Variants in ALDOA observed in about 807,000 individuals in gnomAD.
ALDOA encodes the protein fructose-bisphosphate aldolase A.
In ALDOA, 26 loss-of-function variants were observed where a neutral mutation model predicts 43.9. The ratio of observed to expected loss-of-function variants is 0.59; its 90% CI spans 0.43 to 0.82. The LOEUF is 0.82. Among genes scored for constraint, ALDOA ranks in the 40% least tolerant of loss-of-function variants. ALDOA has a pLI of 0.00. For synonymous variants in ALDOA, 258 were observed against 222.6 expected (o/e 1.16, Z -1.42); for missense variants, 498 against 549.5 (o/e 0.91, Z 0.94).
rs750912887 is a variant in ALDOA, at chr16:30,067,008, C to T, written c.111C>T (p.Gly37=). 1.3e-6 allele frequency: 2 copies of T among 1,569,606 alleles called. No individual in the cohort carries two copies. The highest frequency in any genetic ancestry group is 1.7e-6 in the Non-Finnish European group (2 of 1,158,328). The change falls in exon 2 of 10, where the codon GGC becomes GGT. Residue 37 remains glycine, a synonymous_variant. Coordinates refer to ENST00000642816, the MANE Select transcript of ALDOA (RefSeq NM_001243177.4). ...VASGQLHPQL[G]NTQHQTELGK... ...GTGGGCAACTCCACCCTCAGCTGGG[C>T]AACACCCAGCACCAGACAGAGTTAG...
Position 30,069,383 on chromosome 16 carries a change from C to T in ALDOA, c.780C>T (p.Thr260=), listed in dbSNP as rs1173353127. 1.4e-5 allele frequency: 23 copies of T among 1,614,012 alleles called. No homozygotes were observed. In the East Asian group the frequency reaches 1.6e-4, roughly 11 times the overall value. Reference sequence around the variant, plus strand: ...ACTTGAAGCGCTGCCAGTATGTGACCGAGAAGGTAAATGGCTACCTGCCTG... The same window carrying T: ...ACTTGAAGCGCTGCCAGTATGTGACTGAGAAGGTAAATGGCTACCTGCCTG... The part of the protein sequence containing the change: ...DHDLKRCQYV[T]EKVLAAVYKA... The change falls in exon 7 of 10, where the codon ACC becomes ACT. Residue 260 remains threonine (T), a synonymous_variant. Coordinates refer to ENST00000642816, the MANE Select transcript of ALDOA (RefSeq NM_001243177.4).
intron 4 of ALDOA, 124 bp downstream of exon 4, chr16:30,067,785 CT>C: frequency 1.8e-6 from 2 of 1,104,110 alleles, no homozygotes; most frequent in Non-Finnish European, 1.4e-6. Context: ...CTGCTTCAGG[CT>C]TAGGGCATTT....
chr16:30,070,169 C>T lies in ALDOA; in HGVS notation c.1214C>T (p.Ala405Val), dbSNP rs769860227. The T allele has an allele frequency of 6.6e-5, 106 of 1,614,032 alleles. No individual in the cohort carries two copies. The highest frequency in any genetic ancestry group is 8.9e-5 in the Non-Finnish European group (105 of 1,180,044). The change falls in exon 10 of 10, where the codon GCT becomes GTT. Residue 405 changes from alanine (A) to valine (V), a missense_variant. Coordinates refer to ENST00000642816, the MANE Select transcript of ALDOA (RefSeq NM_001243177.4). The stretch of plus-strand genomic sequence containing the variant: ...TACACTCCGAGCGGTCAGGCTGGGG[C>T]TGCTGCCAGCGAGTCCCTCTTCGTC... ...GKYTPSGQAG[A>V]AASESLFVSN...
Position 30,070,378 on chromosome 16 carries a change from C to A in ALDOA, c.*166C>A. On this transcript the variant is annotated 3_prime_UTR_variant, in exon 10 of 10. Coordinates refer to ENST00000642816, the MANE Select transcript of ALDOA (RefSeq NM_001243177.4). ...GTGAATGCTAAGTCCATCACCCTTT[C>A]CGGCACACTGCCAAATAAACAGCTA... 1.5e-6 allele frequency: 1 copy of A among 662,232 alleles called. No individual in the cohort carries two copies. Among genetic ancestry groups the A allele is most frequent in the Non-Finnish European group, 2.7e-6 (1 of 372,408 alleles). The allele number at this position is 662,232 out of a possible 1,614,324, so 41.0% of individuals were successfully genotyped here. A position where few individuals can be genotyped will look rare whatever the true frequency, so the allele number is the denominator to read the frequency against.
Position 30,066,955 on chromosome 16 carries a change from A to G in ALDOA, c.58A>G (p.Met20Val). 1.2e-5 allele frequency: 18 copies of G among 1,551,678 alleles called. No homozygotes were observed. The highest frequency in any genetic ancestry group is 1.4e-5 in the Non-Finnish European group (16 of 1,147,674). Residue 20 changes from methionine (M) to valine (V), a missense_variant, in exon 2 of 10, where the codon ATG becomes GTG. Met to Val is a conservative substitution (Grantham distance 21). Coordinates refer to ENST00000642816, the MANE Select transcript of ALDOA (RefSeq NM_001243177.4). ...SFNMTHLSMA[M>V]AFSFPPVASG... ...CAACATGACCCACCTGTCCATGGCT[A>G]TGGCCTTTTCCTTTCCCCCAGTTGC...
At chr16:30,068,727 A>G in intron 5 of ALDOA, 27 bp downstream of exon 5, 2 of 1,614,226 alleles carry the variant, frequency 1.2e-6, no homozygotes, top group African/African-American at 1.3e-5. Context: ...TCTCTGCCCT[A>G]CGAACCCAAC....
chr16:30,065,430 G>A (rs868845295), upstream of ALDOA, among the ~76,000 whole-genome samples: 1 of 152,178 alleles, frequency 6.6e-6, no homozygotes, highest in African/African-American at 2.4e-5. Flanking sequence ...TTCCATCCGC[G>A]TCCTCCACTT....
rs543994647 is a variant in ALDOA at position 30,069,884 on chromosome 16, A to G, written c.1016A>G (p.Asn339Ser). ...QSEEEASINL[N>S]AINKCPLLKP... ...GAGGAGGAGGCGTCCATCAACCTCAATGCCATTAACAAGTGCCCCCTGCTG... is the reference window on the plus strand; with the variant it reads ...GAGGAGGAGGCGTCCATCAACCTCAGTGCCATTAACAAGTGCCCCCTGCTG... Residue 339 changes from asparagine to serine, a missense_variant, in exon 9 of 10, where the codon AAT (asparagine) becomes AGT (serine). Coordinates refer to ENST00000642816, the MANE Select transcript of ALDOA (RefSeq NM_001243177.4). 45 of 1,613,926 alleles carry G rather than the reference A, an allele frequency of 2.8e-5. No individual in the cohort carries two copies. Among genetic ancestry groups the G allele is most frequent in the Admixed American group, 1.2e-4 (7 of 60,010 alleles).
chr16:30,067,920 G>A (rs995535637), intron 4 of ALDOA: 12 of 547,930 alleles, frequency 2.2e-5, no homozygotes, highest in African/African-American at 2.1e-4. Context: ...GCCCCAGTCT[G>A]ACACCCAATT....
chr16:30,066,770 G>T, intron 1 of ALDOA, 115 bp from the exon 2 acceptor site: 3 of 1,209,278 alleles, frequency 2.5e-6, no homozygotes, highest in Non-Finnish European at 3.4e-6. Context: ...GTTGCTGTGT[G>T]GCTTGAAGCA....
chr16:30,065,359 G>A (rs1039891971), upstream of ALDOA, among the ~76,000 whole-genome samples: 3 of 152,224 alleles, frequency 2.0e-5, no homozygotes, highest in Admixed American at 6.5e-5. Context: ...AAGCTGGGGC[G>A]GCCCCGGGCC....
Position 30,069,663 on chromosome 16 carries a change from C to A in ALDOA, c.951C>A (p.Pro317=), listed in dbSNP as rs747443135. ...CAGCGCTGCGCCGCACAGTGCCCCC[C>A]GCTGTCACTGGTGAGGCCCACACTC... The part of the protein sequence containing the change: ...TVTALRRTVP[P]AVTGITFLSG... The change falls in exon 8 of 10, where the codon CCC becomes CCA. Residue 317 remains proline (P), a synonymous_variant. Transcript: ENST00000642816. 1 of 1,613,596 alleles carries A rather than the reference C, an allele frequency of 6.2e-7. No homozygotes were observed. Among genetic ancestry groups the A allele is most frequent in the Non-Finnish European group, 8.5e-7 (1 of 1,180,002 alleles).
upstream of ALDOA, chr16:30,064,861 TGAG>T (rs1038604875): frequency 2.5e-5 from 5 of 198,446 alleles, no homozygotes; most frequent in African/African-American, 1.2e-4. Flanking sequence ...GGGGTCCAGG[TGAG>T]GAGGGGAGAT....
chr16:30,068,150 C>T (rs1168043651), intron 4 of ALDOA: 3 of 260,620 alleles, frequency 1.2e-5, no homozygotes, highest in East Asian at 2.0e-4. Flanking sequence ...CTGCAAGTTC[C>T]GCCTCCCAGG....
chr16:30,069,161 C>A, intron 6 of ALDOA, 145 bp from the exon 7 acceptor site: 2 of 1,310,610 alleles, frequency 1.5e-6, no homozygotes, highest in South Asian at 1.2e-5. Flanking sequence ...GGATCTGAGG[C>A]GGCTCTTGTC....
At chr16:30,068,588 G>T in intron 4 of ALDOA, 58 bp from the exon 5 acceptor site, 1 of 1,588,090 alleles carries the variant, frequency 6.3e-7, no homozygotes, top group Admixed American at 1.7e-5. Flanking sequence ...GGGCGACAGT[G>T]GAAAGGGTGC....
chr16:30,066,690 G>A (rs533450499), intron 1 of ALDOA, among the ~76,000 whole-genome samples, 195 bp from the exon 2 acceptor site: 1 of 152,274 alleles, frequency 6.6e-6, no homozygotes, highest in East Asian at 1.9e-4. Flanking sequence ...CTGGGATCTT[G>A]AGGGGATTGG....
chr16:30,065,508 G>A (rs1391022592), upstream of ALDOA, among the ~76,000 whole-genome samples: 1 of 152,186 alleles, frequency 6.6e-6, no homozygotes, highest in Non-Finnish European at 1.5e-5. Flanking sequence ...GCGCCAGGCT[G>A]GGGGAAAGGA....
intron 1 of ALDOA, 59 bp from the exon 2 acceptor site, chr16:30,066,826 C>T (rs1196378526): frequency 3.3e-6 from 5 of 1,509,816 alleles, no homozygotes; most frequent in Non-Finnish European, 3.6e-6. Context: ...GGTGTTGGGC[C>T]CTCTGCTTGA....
Sources: allele counts gnomAD v4.1 joint callset (sites outside exome capture counted in the v4.1 genomes callset), GRCh38; gene constraint gnomAD v4.1.1; transcripts MANE v1.5; gene names NCBI Gene and HGNC (gene_info 2026-07-23, HGNC 2026-07-21).